The following GPC6 variants were observed in gnomAD, a reference collection of about 807,000 sequenced individuals.
The protein encoded by GPC6 is glypican 6, also known as glypican-6.
A neutral mutation model predicts 55.2 loss-of-function variants in GPC6; 14 were observed. The ratio of observed to expected loss-of-function variants is 0.25; its 90% CI spans 0.17 to 0.40. The LOEUF (loss-of-function observed/expected upper bound fraction) is 0.40, where lower values mean the gene tolerates loss of function less well. Among genes scored for constraint, GPC6 ranks in the 10% least tolerant of loss-of-function variants. GPC6 has a pLI of 1.00. For synonymous variants in GPC6, 278 were observed against 259.6 expected, an observed-to-expected ratio of 1.07 and a Z score of -0.68; for missense variants, 641 against 708.5, an observed-to-expected ratio of 0.90 and a Z score of 1.08.
At chr13:93,943,155 T>A (rs977871668) in intron 3 of GPC6, among the ~76,000 whole-genome samples, 1 of 152,216 alleles carries the variant, frequency 6.6e-6, no homozygotes, top group African/African-American at 2.4e-5. Context: ...CATTAGATAC[T>A]GTTGCATGAA....
intron 1 of GPC6, among the ~76,000 whole-genome samples, chr13:93,417,464 T>A (rs1876741645): frequency 6.6e-6 from 1 of 152,070 alleles, no homozygotes; most frequent in Non-Finnish European, 1.5e-5. Flanking sequence ...CCAGAAACCA[T>A]CATGCAGAGG....
At chr13:94,394,580 T>C (rs1486360072) in intron 7 of GPC6, among the ~76,000 whole-genome samples, 1 of 152,060 alleles carries the variant, frequency 6.6e-6, no homozygotes, top group Non-Finnish European at 1.5e-5. Flanking sequence ...AAGAAATAAA[T>C]GGGCTCATGA....
At chr13:94,257,338 G>T (rs1046521702) in intron 4 of GPC6, among the ~76,000 whole-genome samples, 1 of 152,204 alleles carries the variant, frequency 6.6e-6, no homozygotes, top group Non-Finnish European at 1.5e-5. Flanking sequence ...TTACATATAT[G>T]AAGAACAGCA....
chr13:93,863,432 C>A (rs938704896), intron 3 of GPC6, among the ~76,000 whole-genome samples: 2 of 151,648 alleles, frequency 1.3e-5, no homozygotes, highest in Non-Finnish European at 3.0e-5. Flanking sequence ...ATTATCATTT[C>A]TCTTAGTAAT....
At position 93,488,579 on chromosome 13, in the gene GPC6, C is replaced by A. The variant is rs182440904; in HGVS notation, c.161-56684C>A. Among the ~76,000 whole-genome samples, 17 of 152,284 alleles carry A rather than the reference C, an allele frequency of 1.1e-4. 1 individual carries two copies. In the East Asian group the frequency reaches 2.1e-3, roughly 19 times the overall value. ...CACAATGGTTGAACTAGTTTACACT[C>A]CCACCAACAGTGTAAGAGTGTTCCT... is the stretch of plus-strand genomic sequence containing the variant. On this transcript the variant is annotated intron_variant, in intron 1 of 8. Transcript: ENST00000377047.
intron 3 of GPC6, among the ~76,000 whole-genome samples, chr13:93,941,709 C>T (rs1391883647): frequency 6.6e-6 from 1 of 152,028 alleles, no homozygotes; most frequent in African/African-American, 2.4e-5. Context: ...CCAATCATCC[C>T]AACACTAATA....
Position 93,720,137 on chromosome 13 carries a change from G to A in GPC6, c.320-110017G>A, listed in dbSNP as rs548850027. Among the ~76,000 whole-genome samples, 9 of 152,128 alleles carry A rather than the reference G, an allele frequency of 5.9e-5. No homozygotes were observed. The South Asian group carries it at 1.9e-3, about 32-fold the overall frequency. Reference sequence around the variant, plus strand: ...GGATTCCCTCTTTTTCTATTGTTTGGAGTAGTTTCAGAAGGAATGGTACCA... The same window carrying A: ...GGATTCCCTCTTTTTCTATTGTTTGAAGTAGTTTCAGAAGGAATGGTACCA... On this transcript the variant is annotated intron_variant, in intron 2 of 8. Coordinates refer to ENST00000377047, the MANE Select transcript of GPC6 (RefSeq NM_005708.5).
At chr13:94,216,971 T>C (rs942313341) in intron 4 of GPC6, among the ~76,000 whole-genome samples, 7 of 152,146 alleles carry the variant, frequency 4.6e-5, no homozygotes, top group Non-Finnish European at 8.8e-5. Flanking sequence ...CTACTTAAAC[T>C]CTCTAAGCCT....
chr13:94,349,547 C>A (rs1384659123), intron 6 of GPC6, among the ~76,000 whole-genome samples: 2 of 152,192 alleles, frequency 1.3e-5, no homozygotes, highest in Non-Finnish European at 2.9e-5. Context: ...TATAATCTAT[C>A]CTCCACTGAC....
At chr13:93,917,801 A>T (rs1364237242) in intron 3 of GPC6, among the ~76,000 whole-genome samples, 1 of 152,190 alleles carries the variant, frequency 6.6e-6, no homozygotes, top group Non-Finnish European at 1.5e-5. Flanking sequence ...TCAGCAGTTA[A>T]AAAACAAAAA....
intron 4 of GPC6, among the ~76,000 whole-genome samples, chr13:94,220,738 A>G (rs1440396327): frequency 1.3e-5 from 2 of 152,052 alleles, no homozygotes; most frequent in African/African-American, 2.4e-5. Context: ...TAACCTGAAT[A>G]TTCACATGGC....
chr13:93,935,890 C>A (rs912890977), intron 3 of GPC6, among the ~76,000 whole-genome samples: 2 of 152,204 alleles, frequency 1.3e-5, no homozygotes, highest in Non-Finnish European at 2.9e-5. Context: ...TCCATTCCAG[C>A]TGTAACTATG....
chr13:93,473,845 A>G (rs570197395), intron 1 of GPC6, among the ~76,000 whole-genome samples: 7 of 152,208 alleles, frequency 4.6e-5, no homozygotes, highest in East Asian at 3.9e-4. Flanking sequence ...ATCCCAAGCC[A>G]TGGATTTTAT....
intron 4 of GPC6, among the ~76,000 whole-genome samples, chr13:94,053,022 C>T (rs142907372): frequency 3.4e-4 from 52 of 152,280 alleles, no homozygotes; most frequent in African/African-American, 1.2e-3. Context: ...TCAAGCTCAG[C>T]TTCTACCAAA....
chr13:93,303,496 A>G (rs1258391934), intron 1 of GPC6, among the ~76,000 whole-genome samples: 1 of 152,164 alleles, frequency 6.6e-6, no homozygotes, highest in East Asian at 1.9e-4. Flanking sequence ...AGATTATCAA[A>G]TGCGAATAAC....
intron 5 of GPC6, among the ~76,000 whole-genome samples, chr13:94,290,092 T>G (rs1874872839): frequency 1.3e-5 from 2 of 152,174 alleles, no homozygotes; most frequent in South Asian, 4.1e-4. Flanking sequence ...AACAGTTTTA[T>G]TTAAGAGATA....
intron 2 of GPC6, among the ~76,000 whole-genome samples, chr13:93,671,695 G>A (rs1881365296): frequency 6.6e-6 from 1 of 151,910 alleles, no homozygotes; most frequent in African/African-American, 2.4e-5. Context: ...TCTCACCACA[G>A]CGGGTACCAA....
intron 4 of GPC6, among the ~76,000 whole-genome samples, chr13:94,159,962 T>C (rs1373228501): frequency 6.6e-6 from 1 of 152,210 alleles, no homozygotes; most frequent in Non-Finnish European, 1.5e-5. Flanking sequence ...TGGTGCTTTA[T>C]GACAGTTTAT....
chr13:93,488,833 T>A lies in GPC6; in HGVS notation c.161-56430T>A, dbSNP rs529280194. ...GATGGGGTTGTTTGTTTTTTTCTTG[T>A]ACGTGTGTTTGAATTCTTTGTAGAT... On this transcript the variant is annotated intron_variant, in intron 1 of 8. Coordinates refer to ENST00000377047, the MANE Select transcript of GPC6 (RefSeq NM_005708.5). 3.3e-5 allele frequency among the ~76,000 whole-genome samples: 5 copies of A among 152,304 alleles called. No individual in the cohort carries two copies. The South Asian group carries it at 1.0e-3, about 32-fold the overall frequency.
Sources: gnomAD v4.1 joint callset for allele counts (sites outside exome capture counted in the v4.1 genomes callset) on GRCh38, gnomAD v4.1.1 for gene constraint, MANE v1.5 for transcripts, NCBI Gene and HGNC (gene_info 2026-07-23, HGNC 2026-07-21) for gene names.